Variants in POU6F2 observed in about 807,000 individuals in gnomAD.
The protein encoded by POU6F2 is POU class 6 homeobox 2, also known as POU domain, class 6, transcription factor 2.
In POU6F2, 31 loss-of-function variants were observed where a neutral mutation model predicts 71.3. The observed-to-expected ratio is 0.43, with a 90% CI of 0.33 to 0.59. POU6F2 has a LOEUF of 0.59. Among genes scored for constraint, POU6F2 ranks in the 20% least tolerant of loss-of-function variants. The pLI is 0.04. For missense variants in POU6F2, 783 were observed against 856.8 expected (o/e 0.91, Z 1.07); for synonymous variants, 347 against 355.7 (o/e 0.98, Z 0.27).
chr7:39,376,997 AAATAT>A (rs1230443776), intron 5 of POU6F2, among the ~76,000 whole-genome samples: 4 of 148,436 alleles, frequency 2.7e-5, no homozygotes, highest in Non-Finnish European at 4.5e-5. Context: ...TCGATCATAT[AAATAT>A]ATTTGTTTAA....
At chr7:39,376,216 C>T (rs1223807034) in intron 5 of POU6F2, among the ~76,000 whole-genome samples, 1 of 152,138 alleles carries the variant, frequency 6.6e-6, no homozygotes, top group Non-Finnish European at 1.5e-5. Context: ...CTTATAGGGT[C>T]ATATAAGACT....
chr7:39,201,882 A>G (rs4478468), intron 2 of POU6F2, among the ~76,000 whole-genome samples: 43,574 of 151,998 alleles, frequency 0.29, 6,703 homozygotes, highest in East Asian at 0.7. Context: ...CCTTCCAACC[A>G]GACGGATTAG....
intron 4 of POU6F2, among the ~76,000 whole-genome samples, chr7:39,265,404 T>A (rs59690097): frequency 0.073 from 11,102 of 152,122 alleles, 835 homozygotes; most frequent in African/African-American, 0.19. Context: ...AAAACCAGAG[T>A]TTCCCAAATC....
intron 2 of POU6F2, among the ~76,000 whole-genome samples, chr7:39,186,107 C>T (rs528804792): frequency 6.6e-6 from 1 of 151,994 alleles, no homozygotes; most frequent in Non-Finnish European, 1.5e-5. Flanking sequence ...TAGCATGTTG[C>T]AAAATACGTT....
chr7:39,435,507 C>A (rs183413976), intron 7 of POU6F2, among the ~76,000 whole-genome samples: 1 of 151,926 alleles, frequency 6.6e-6, no homozygotes, highest in African/African-American at 2.4e-5. Flanking sequence ...TGTTTAAGTT[C>A]CTGGTAAATT....
intron 2 of POU6F2, among the ~76,000 whole-genome samples, chr7:39,147,658 A>G (rs1792650673): frequency 6.6e-6 from 1 of 152,016 alleles, no homozygotes; most frequent in Non-Finnish European, 1.5e-5. Context: ...TCTTCTTCCA[A>G]CTCTTCACAT....
At chr7:39,246,195 G>C (rs1438956197) in intron 4 of POU6F2, among the ~76,000 whole-genome samples, 2 of 152,158 alleles carry the variant, frequency 1.3e-5, no homozygotes, top group Non-Finnish European at 2.9e-5. Flanking sequence ...ACTTCCACAA[G>C]CAAATATGTT....
chr7:39,181,226 A>G (rs1037899559), intron 2 of POU6F2, among the ~76,000 whole-genome samples: 5 of 152,044 alleles, frequency 3.3e-5, no homozygotes, highest in Non-Finnish European at 7.4e-5. Context: ...TGCCACTAAC[A>G]CACCATAACT....
At chr7:39,214,885 T>G (rs10268316) in intron 4 of POU6F2, among the ~76,000 whole-genome samples, 76,722 of 152,026 alleles carry the variant, frequency 0.5, 19,838 homozygotes, top group East Asian at 0.81. Context: ...GAGGACCTTG[T>G]ATGCTTTGCC....
rs575579471 is a variant in POU6F2, at chr7:39,171,415, G to A, written c.278-32820G>A. ...TAAAGGTGGAATATCCAATTTTTAA[G>A]TGTCAGAGCTCCTTTTAATCAGGGA... On this transcript the variant is annotated intron_variant, in intron 2 of 9. Coordinates refer to ENST00000518318, the MANE Select transcript of POU6F2 (RefSeq NM_001370959.1). Among the ~76,000 whole-genome samples, 3 of 152,228 alleles carry A rather than the reference G, an allele frequency of 2.0e-5. No homozygotes were observed. In the South Asian group the frequency reaches 6.2e-4, roughly 32 times the overall value.
At chr7:39,166,241 G>T (rs1793113455) in intron 2 of POU6F2, among the ~76,000 whole-genome samples, 1 of 152,162 alleles carries the variant, frequency 6.6e-6, no homozygotes, top group South Asian at 2.1e-4. Context: ...TTCAAACAAG[G>T]ATTCCACAGA....
At chr7:39,380,817 T>C (rs1184053917) in intron 5 of POU6F2, among the ~76,000 whole-genome samples, 1 of 152,142 alleles carries the variant, frequency 6.6e-6, no homozygotes, top group Non-Finnish European at 1.5e-5. Context: ...GAGACAAGTT[T>C]CCCGACAGAT....
At chr7:39,392,398 G>A (rs1481072087) in intron 5 of POU6F2, among the ~76,000 whole-genome samples, 1 of 152,152 alleles carries the variant, frequency 6.6e-6, no homozygotes, top group Non-Finnish European at 1.5e-5. Flanking sequence ...TTCATTCCAG[G>A]ACCACACTCA....
At chr7:39,085,577 G>GTTT (rs201365898) in intron 1 of POU6F2, among the ~76,000 whole-genome samples, 3 of 141,288 alleles carry the variant, frequency 2.1e-5, no homozygotes, top group Non-Finnish European at 3.1e-5. Context: ...TTTCAAAGAA[G>GTTT]TTTTTTTTTT....
chr7:39,218,979 G>A (rs1417267369), intron 4 of POU6F2, among the ~76,000 whole-genome samples: 2 of 152,134 alleles, frequency 1.3e-5, no homozygotes, highest in African/African-American at 4.8e-5. Flanking sequence ...GGGAGAAGAG[G>A]TTAGGGAAGG....
chr7:39,396,893 A>G (rs1455745741), intron 5 of POU6F2, among the ~76,000 whole-genome samples: 3 of 134,522 alleles, frequency 2.2e-5, no homozygotes, highest in Non-Finnish European at 4.9e-5. Context: ...ACCATAACCA[A>G]TCATTAAAAA....
intron 1 of POU6F2, among the ~76,000 whole-genome samples, chr7:39,043,766 G>A (rs954270308): frequency 1.3e-5 from 2 of 151,884 alleles, no homozygotes; most frequent in African/African-American, 2.4e-5. Context: ...ATGTTACCTG[G>A]CATGGACTTG....
At chr7:39,136,643 A>G (rs1329886981) in intron 2 of POU6F2, among the ~76,000 whole-genome samples, 2 of 152,148 alleles carry the variant, frequency 1.3e-5, no homozygotes, top group Admixed American at 1.3e-4. Flanking sequence ...TTTTGTCTCA[A>G]TGATTGTTCC....
chr7:39,290,529 G>A (rs1784732452), intron 4 of POU6F2, among the ~76,000 whole-genome samples: 1 of 152,146 alleles, frequency 6.6e-6, no homozygotes, highest in African/African-American at 2.4e-5. Context: ...ATTTTTCAGG[G>A]ACTAAACATA....
Sources: allele counts gnomAD v4.1 joint callset (sites outside exome capture counted in the v4.1 genomes callset), GRCh38; gene constraint gnomAD v4.1.1; transcripts MANE v1.5; gene names NCBI Gene and HGNC (gene_info 2026-07-23, HGNC 2026-07-21).